SEMA6D: variants seen among roughly 807,000 people sequenced by gnomAD.
The protein encoded by SEMA6D is semaphorin 6D, also known as semaphorin-6D.
SEMA6D carries 35 observed loss-of-function variants against 106.6 expected under a neutral mutation model. The observed-to-expected ratio is 0.33, with a 90% CI of 0.25 to 0.44. The LOEUF (loss-of-function observed/expected upper bound fraction) is 0.44, where lower values mean the gene tolerates loss of function less well. SEMA6D is among the 20% of genes least tolerant of loss of function. The pLI is 1.00. For synonymous variants in SEMA6D, 499 were observed against 487.7 expected, an observed-to-expected ratio of 1.02 and a Z score of -0.31; for missense variants, 1,185 against 1,345.9, an observed-to-expected ratio of 0.88 and a Z score of 1.87.
chr15:47,771,954 T>C lies in SEMA6D; in HGVS notation c.*169T>C. On this transcript the variant is annotated 3_prime_UTR_variant, in exon 19 of 19. Coordinates refer to ENST00000536845, the MANE Select transcript of SEMA6D (RefSeq NM_001358351.3). ...ATCAGAACTTGCCACATGTAGCTAC[T>C]GCAGCAAGGCTTCTGTGTACTTGCC... 2 of 647,780 alleles carry C rather than the reference T, an allele frequency of 3.1e-6. No homozygotes were observed. 40.1% of individuals were successfully genotyped at this position (647,780 alleles called of 1,614,324 possible).
intron 4 of SEMA6D, among the ~76,000 whole-genome samples, chr15:47,710,582 A>G (rs1474450951): frequency 1.3e-5 from 2 of 152,204 alleles, no homozygotes; most frequent in African/African-American, 4.8e-5. Flanking sequence ...GGAAAAATAC[A>G]CACGCACACA....
At chr15:47,516,199 T>C (rs970948302) in intron 3 of SEMA6D, among the ~76,000 whole-genome samples, 2 of 152,198 alleles carry the variant, frequency 1.3e-5, no homozygotes, top group African/African-American at 4.8e-5. Context: ...TTTATAGCCA[T>C]GGTGACTTAT....
chr15:47,458,124 G>C lies in SEMA6D; in HGVS notation c.-158-12350G>C, dbSNP rs141226398. On this transcript the variant is annotated intron_variant, in intron 2 of 19. Transcript: ENST00000558014. Reference sequence around the variant, plus strand: ...GAGCTGAAATCTAGATCTATACAAAGTAATAAATAACACTGAGAATGTTAA... The same window carrying C: ...GAGCTGAAATCTAGATCTATACAAACTAATAAATAACACTGAGAATGTTAA... Among the ~76,000 whole-genome samples the C allele has an allele frequency of 6.1e-3, 931 of 151,846 alleles. 12 individuals are homozygous for C. The highest frequency in any genetic ancestry group is 0.021 in the African/African-American group (887 of 41,450).
intron 1 of SEMA6D, among the ~76,000 whole-genome samples, chr15:47,297,945 G>T (rs1336608577): frequency 1.3e-5 from 2 of 152,142 alleles, no homozygotes; most frequent in Non-Finnish European, 2.9e-5. Flanking sequence ...TGAAATGAGG[G>T]ATAGAGGAGT....
In SEMA6D at chr15:47,343,706, G is replaced by A. The variant is rs531921270; in HGVS notation, c.-238-68687G>A. On this transcript the variant is annotated intron_variant, in intron 1 of 19. Coordinates refer to the SEMA6D transcript ENST00000558014. ...AGTCTTTGCTATTGTGAATAGTGCC[G>A]CAATAAACATACGTGTGTGTGTGTC... is the stretch of plus-strand genomic sequence containing the variant. 3.3e-5 allele frequency among the ~76,000 whole-genome samples: 5 copies of A among 152,146 alleles called. No homozygotes were observed. In the South Asian group the frequency reaches 8.3e-4, roughly 25 times the overall value.
chr15:47,266,172 C>T lies in SEMA6D; in HGVS notation c.-239+81754C>T, dbSNP rs1055139257. Among the ~76,000 whole-genome samples the T allele has an allele frequency of 2.0e-5, 3 of 152,124 alleles. No homozygotes were observed. The East Asian group carries it at 5.8e-4, about 29-fold the overall frequency. ...CAATCTGCTCCACAGTTTTGCCTATCTCTCCAATGAATCTCCTAATTTACT... is the reference window on the plus strand; with the variant it reads ...CAATCTGCTCCACAGTTTTGCCTATTTCTCCAATGAATCTCCTAATTTACT... On this transcript the variant is annotated intron_variant, in intron 1 of 19. Transcript: ENST00000558014.
rs547499261 is a variant in SEMA6D, at chr15:47,740,770, G to A, written c.-54-18975G>A. On this transcript the variant is annotated intron_variant, in intron 1 of 18. Coordinates refer to ENST00000536845, the MANE Select transcript of SEMA6D (RefSeq NM_001358351.3). ...AATATACTCTTTTCCCTGACCTTGG[G>A]GTAGGTCCCTGCTGCACCACTGCCT... Among the ~76,000 whole-genome samples, 4 of 152,214 alleles carry A rather than the reference G, an allele frequency of 2.6e-5. No homozygotes were observed. In the South Asian group the frequency reaches 8.3e-4, roughly 32 times the overall value.
At chr15:47,477,960 C>T (rs1476519569) in intron 3 of SEMA6D, among the ~76,000 whole-genome samples, 1 of 152,138 alleles carries the variant, frequency 6.6e-6, no homozygotes, top group Non-Finnish European at 1.5e-5. Flanking sequence ...CTTGAAGTTA[C>T]AGCAAAAGTG....
chr15:47,347,439 A>G (rs1418559967), intron 1 of SEMA6D, among the ~76,000 whole-genome samples: 1 of 152,224 alleles, frequency 6.6e-6, no homozygotes, highest in Non-Finnish European at 1.5e-5. Flanking sequence ...CAAAATTTCT[A>G]GTCATTTCAG....
chr15:47,292,570 G>A (rs537171887), intron 1 of SEMA6D, among the ~76,000 whole-genome samples: 3 of 152,196 alleles, frequency 2.0e-5, no homozygotes, highest in African/African-American at 7.2e-5. Context: ...TTGATGAGCC[G>A]GGTCCTGAGA....
intron 2 of SEMA6D, among the ~76,000 whole-genome samples, chr15:47,432,762 A>G (rs2041580697): frequency 6.6e-6 from 1 of 152,100 alleles, no homozygotes; most frequent in South Asian, 2.1e-4. Flanking sequence ...AACCACTCCT[A>G]ATTATGATCT....
intron 9 of SEMA6D, among the ~76,000 whole-genome samples, chr15:47,763,393 C>G (rs572327358): frequency 1.3e-4 from 20 of 152,206 alleles, no homozygotes; most frequent in African/African-American, 4.8e-4. Flanking sequence ...GCTTTTTTTA[C>G]TCTTTAGAAA....
chr15:47,715,257 G>C (rs57497072), upstream of SEMA6D, among the ~76,000 whole-genome samples: 19,036 of 152,070 alleles, frequency 0.13, 2,196 homozygotes, highest in African/African-American at 0.32. Flanking sequence ...GGAGAGGGGG[G>C]AGTTAGACTG....
At chr15:47,344,175 G>A (rs956984669) in intron 1 of SEMA6D, among the ~76,000 whole-genome samples, 8 of 139,472 alleles carry the variant, frequency 5.7e-5, no homozygotes, top group Non-Finnish European at 1.1e-4. Context: ...TCGGTGTGGC[G>A]ATTCCTCACT....
At chr15:47,718,723 G>C (rs2079237526) in intron 1 of SEMA6D, 1 of 152,266 alleles carries the variant, frequency 6.6e-6, no homozygotes, top group African/African-American at 2.4e-5. Flanking sequence ...GATGTGTTAC[G>C]TTCTCATCTC....
intron 3 of SEMA6D, among the ~76,000 whole-genome samples, chr15:47,478,542 G>A (rs915927851): frequency 2.6e-5 from 4 of 152,138 alleles, no homozygotes; most frequent in Non-Finnish European, 2.9e-5. Context: ...CCTTTATGAA[G>A]CAACCCTGAA....
chr15:47,248,533 A>G (rs1222482738), intron 1 of SEMA6D, among the ~76,000 whole-genome samples: 1 of 152,200 alleles, frequency 6.6e-6, no homozygotes, highest in Non-Finnish European at 1.5e-5. Context: ...CAGAACGGTT[A>G]AATTATGTTT....
At chr15:47,239,572 A>C (rs1393955065) in intron 1 of SEMA6D, among the ~76,000 whole-genome samples, 2 of 152,172 alleles carry the variant, frequency 1.3e-5, no homozygotes, top group Non-Finnish European at 2.9e-5. Flanking sequence ...AAGATCTGGA[A>C]AGAATATGGG....
intron 1 of SEMA6D, among the ~76,000 whole-genome samples, chr15:47,303,308 C>T (rs2036096834): frequency 6.6e-6 from 1 of 152,198 alleles, no homozygotes; most frequent in Non-Finnish European, 1.5e-5. Context: ...GGTGTTGGTG[C>T]CTGTATGGCA....
Sources: allele counts gnomAD v4.1 joint callset (sites outside exome capture counted in the v4.1 genomes callset), GRCh38; gene constraint gnomAD v4.1.1; transcripts MANE v1.5; gene names NCBI Gene and HGNC (gene_info 2026-07-23, HGNC 2026-07-21).